SERPINB10: variants seen among roughly 807,000 people sequenced by gnomAD.
The protein encoded by SERPINB10 is serpin family B member 10.
A neutral mutation model predicts 39.1 loss-of-function variants in SERPINB10; 35 were observed. That is an observed-to-expected ratio of 0.90 (90% CI 0.68 to 1.19). SERPINB10 has a LOEUF of 1.19. Ranked by LOEUF, SERPINB10 falls within the 50% of genes most tolerant of loss-of-function variation. The probability of loss-of-function intolerance (pLI) is 0.00; values close to 1 mark genes in which losing one functional copy is unlikely to be tolerated. For missense variants in SERPINB10, 546 were observed against 460.5 expected (o/e 1.19, Z -1.70); for synonymous variants, 190 against 158.1 (o/e 1.20, Z -1.52).
At position 63,917,534 on chromosome 18, in the gene SERPINB10, C is replaced by CCTG; in HGVS notation, c.234+13_234+14insCTG. On this transcript the variant is annotated intron_variant, in intron 3 of 7. Coordinates refer to ENST00000238508, the MANE Select transcript of SERPINB10 (RefSeq NM_005024.3). ...AAAAAGGAAAATGGTATATCTTATCCTTTAATATATATTTCATAATTAAGG... is the reference window on the plus strand; with the variant it reads ...AAAAAGGAAAATGGTATATCTTATCCCTGTTTAATATATATTTCATAATTAAGG... 7.1e-7 allele frequency: 1 copy of CCTG among 1,413,122 alleles called. No individual in the cohort carries two copies. Among genetic ancestry groups the CCTG allele is most frequent in the Non-Finnish European group, 9.7e-7 (1 of 1,035,928 alleles). The allele number at this position is 1,413,122 out of a possible 1,614,324, so 87.5% of individuals were successfully genotyped here. A position where few individuals can be genotyped will look rare whatever the true frequency, so the allele number is the denominator to read the frequency against.
At chr18:63,930,011 C>A (rs1485898252) in intron 5 of SERPINB10, 34 bp from the exon 6 acceptor site, 1 of 1,607,752 alleles carries the variant, frequency 6.2e-7, no homozygotes. Flanking sequence ...CATATTTCTA[C>A]AAGTCATTTG....
intron 5 of SERPINB10, among the ~76,000 whole-genome samples, chr18:63,925,469 A>T (rs977636178): frequency 1.3e-5 from 2 of 152,030 alleles, no homozygotes; most frequent in African/African-American, 4.8e-5. Context: ...TGGTGACAGA[A>T]TGTAAGGAAA....
At chr18:63,919,969 T>A (rs753014599) in intron 5 of SERPINB10, 64 bp downstream of exon 5, 17 of 964,360 alleles carry the variant, frequency 1.8e-5, no homozygotes, top group Non-Finnish European at 2.6e-5. Context: ...TTATTTTAGT[T>A]TGTGTCATAT....
chr18:63,912,373 G>A (rs2050071426), intron 1 of SERPINB10, among the ~76,000 whole-genome samples: 1 of 151,884 alleles, frequency 6.6e-6, no homozygotes, highest in Non-Finnish European at 1.5e-5. Context: ...GTTCTCAAGG[G>A]GAATGCTTCC....
intron 5 of SERPINB10, among the ~76,000 whole-genome samples, chr18:63,925,062 T>C (rs1415750587): frequency 6.6e-6 from 1 of 151,978 alleles, no homozygotes; most frequent in African/African-American, 2.4e-5. Flanking sequence ...CTACTTTATG[T>C]TTGTTCTAGG....
At chr18:63,926,083 C>T (rs533495555) in intron 5 of SERPINB10, among the ~76,000 whole-genome samples, 59 of 152,122 alleles carry the variant, frequency 3.9e-4, no homozygotes, top group African/African-American at 1.3e-3. Context: ...AATGTATTCT[C>T]TCACAGTTTT....
intron 1 of SERPINB10, among the ~76,000 whole-genome samples, chr18:63,910,443 C>A (rs914624396): frequency 6.6e-6 from 1 of 152,040 alleles, no homozygotes; most frequent in Non-Finnish European, 1.5e-5. Context: ...GTTTTTCAAT[C>A]TTTTCTCCAT....
intron 1 of SERPINB10, among the ~76,000 whole-genome samples, chr18:63,914,994 T>C (rs773637008): frequency 2.0e-5 from 3 of 152,110 alleles, no homozygotes; most frequent in Non-Finnish European, 4.4e-5. Flanking sequence ...TGATTCCATG[T>C]TTGCATAAAT....
At chr18:63,934,723 A>G in intron 7 of SERPINB10, 115 bp from the exon 8 acceptor site, 2 of 1,038,668 alleles carry the variant, frequency 1.9e-6, no homozygotes, top group Non-Finnish European at 2.7e-6. Flanking sequence ...TGTCACCCTG[A>G]GTAACGGGAG....
chr18:63,921,795 T>A (rs959292289), intron 5 of SERPINB10, among the ~76,000 whole-genome samples: 3 of 151,916 alleles, frequency 2.0e-5, no homozygotes, highest in African/African-American at 7.2e-5. Context: ...TAAACTCTTG[T>A]CACTCCCTGG....
In SERPINB10 at chr18:63,933,363, A is replaced by C. The variant is rs573201876; in HGVS notation, c.789+160A>C. Among the ~76,000 whole-genome samples the C allele has an allele frequency of 3.9e-5, 6 of 152,340 alleles. No individual in the cohort carries two copies. In the East Asian group the frequency reaches 1.2e-3, roughly 29 times the overall value. On this transcript the variant is annotated intron_variant, in intron 7 of 7. Coordinates refer to ENST00000238508, the MANE Select transcript of SERPINB10 (RefSeq NM_005024.3). ...CACCAATGTACCTTGAGTTCTAGGC[A>C]CTTCACCTTCACAATATTATTTAAA...
chr18:63,910,196 G>A (rs1490563776), intron 1 of SERPINB10, among the ~76,000 whole-genome samples: 7 of 151,982 alleles, frequency 4.6e-5, no homozygotes, highest in Non-Finnish European at 1.0e-4. Flanking sequence ...TCTCATTCTA[G>A]GTTTCTCAGA....
intron 6 of SERPINB10, among the ~76,000 whole-genome samples, chr18:63,931,193 T>C (rs1320268617): frequency 1.3e-5 from 2 of 152,170 alleles, no homozygotes; most frequent in African/African-American, 4.8e-5. Context: ...GAGTGAGTGA[T>C]TGGGGTATTT....
In SERPINB10 at chr18:63,915,515, A is replaced by C. The variant is rs759346717; in HGVS notation, c.5A>C (p.Asp2Ala). Residue 2 changes from aspartate to alanine, a missense_variant, in exon 2 of 8, where the codon GAC becomes GCC. Coordinates refer to ENST00000238508, the MANE Select transcript of SERPINB10 (RefSeq NM_005024.3). M[D>A]SLATSINQFA... Reference sequence around the variant, plus strand: ...TATTTTTCTTAGGTTTCCTCAATGGACTCTCTAGCAACATCAATCAACCAG... The same window carrying C: ...TATTTTTCTTAGGTTTCCTCAATGGCCTCTCTAGCAACATCAATCAACCAG... 6.3e-7 allele frequency: 1 copy of C among 1,598,318 alleles called. No individual in the cohort carries two copies. Among genetic ancestry groups the C allele is most frequent in the Non-Finnish European group, 8.5e-7 (1 of 1,171,274 alleles).
intron 1 of SERPINB10, among the ~76,000 whole-genome samples, chr18:63,911,458 A>G (rs1016484527): frequency 6.6e-6 from 1 of 151,640 alleles, no homozygotes; most frequent in Admixed American, 6.6e-5. Flanking sequence ...ATTTTTGTAC[A>G]TGTTGAAAAG....
At chr18:63,917,556 A>G (rs770150067) in intron 3 of SERPINB10, 35 bp downstream of exon 3, 8 of 1,232,418 alleles carry the variant, frequency 6.5e-6, no homozygotes, top group Non-Finnish European at 8.9e-6. Context: ...TTTCATAATT[A>G]AGGAAAAAGT....
In SERPINB10 at chr18:63,933,088, AG is replaced by A; in HGVS notation, c.675del (p.Lys225AsnfsTer7). On this transcript the variant is annotated frameshift_variant, in exon 7 of 8. Transcript: ENST00000238508. LOFTEE classifies it high-confidence loss of function. ...GTGCAAATGATGTTTATGAAGAAAA[AG>A]CTTCACATTTTTCACATAGAAAAGC... ...KPVQMMFMKK[K>X]LHIFHIEKPK... The A allele has an allele frequency of 6.2e-7, 1 of 1,614,004 alleles. No homozygotes were observed. Among genetic ancestry groups the A allele is most frequent in the Non-Finnish European group, 8.5e-7 (1 of 1,179,936 alleles).
intron 1 of SERPINB10, among the ~76,000 whole-genome samples, chr18:63,910,150 A>G (rs2050053470): frequency 6.6e-6 from 1 of 152,016 alleles, no homozygotes; most frequent in East Asian, 1.9e-4. Context: ...TGATTAAGTT[A>G]TTTGAGTATA....
chr18:63,931,359 G>A (rs920110923), intron 6 of SERPINB10, among the ~76,000 whole-genome samples: 1 of 152,114 alleles, frequency 6.6e-6, no homozygotes, highest in Non-Finnish European at 1.5e-5. Context: ...GAAAGTGTTT[G>A]CCATTAGTTC....
Sources: allele counts gnomAD v4.1 joint callset (sites outside exome capture counted in the v4.1 genomes callset), GRCh38; gene constraint gnomAD v4.1.1; transcripts MANE v1.5; gene names NCBI Gene and HGNC (gene_info 2026-07-23, HGNC 2026-07-21).